Variants in OPCML observed in about 807,000 individuals in gnomAD.
OPCML encodes the protein opioid-binding protein/cell adhesion molecule.
A neutral mutation model predicts 37.8 loss-of-function variants in OPCML; 13 were observed. The observed-to-expected ratio is 0.34, with a 90% CI of 0.22 to 0.55. The LOEUF (loss-of-function observed/expected upper bound fraction) is 0.55, where lower values mean the gene tolerates loss of function less well. Among genes scored for constraint, OPCML ranks in the 20% least tolerant of loss-of-function variants. OPCML has a pLI of 0.91. For missense variants in OPCML, 341 were observed against 435.6 expected (o/e 0.78, Z 1.93); for synonymous variants, 176 against 168.8 (o/e 1.04, Z -0.33).
intron 1 of OPCML, among the ~76,000 whole-genome samples, chr11:133,467,998 C>G (rs946050674): frequency 9.2e-5 from 14 of 152,164 alleles, no homozygotes; most frequent in Non-Finnish European, 1.5e-5. Context: ...GTCACCTCTA[C>G]AGTAGGGATG....
intron 2 of OPCML, among the ~76,000 whole-genome samples, chr11:132,718,793 G>A (rs1290990351): frequency 1.3e-5 from 2 of 152,212 alleles, no homozygotes; most frequent in African/African-American, 4.8e-5. Context: ...TCAGGAAAGG[G>A]AAAGGAGTGT....
intron 2 of OPCML, among the ~76,000 whole-genome samples, chr11:132,921,961 C>A (rs544491192): frequency 9.2e-5 from 14 of 152,116 alleles, no homozygotes; most frequent in South Asian, 4.2e-4. Flanking sequence ...CTCACTGCAA[C>A]CTTCGCCTCG....
chr11:132,863,748 C>T lies in OPCML; in HGVS notation c.146+79178G>A, dbSNP rs145256143. Among the ~76,000 whole-genome samples, 19 of 151,824 alleles carry T rather than the reference C, an allele frequency of 1.3e-4. No homozygotes were observed. The East Asian group carries it at 2.4e-3, about 19-fold the overall frequency. On this transcript the variant is annotated intron_variant, in intron 2 of 7. Coordinates refer to ENST00000524381, the MANE Select transcript of OPCML (RefSeq NM_001012393.5). ...GACGCCCACACCCAGAAGGGAGGGACGCTGCTCCTAGAGGCCGGGAGGAAT... is the reference window on the plus strand; with the variant it reads ...GACGCCCACACCCAGAAGGGAGGGATGCTGCTCCTAGAGGCCGGGAGGAAT...
intron 1 of OPCML, among the ~76,000 whole-genome samples, chr11:133,272,564 C>T (rs906593277): frequency 6.6e-5 from 10 of 152,284 alleles, no homozygotes; most frequent in Non-Finnish European, 1.5e-4. Context: ...GAAAGCCATG[C>T]TCCTTCCCCT....
chr11:132,570,761 A>G (rs2096435463), intron 3 of OPCML, among the ~76,000 whole-genome samples: 1 of 72,184 alleles, frequency 1.4e-5, no homozygotes, highest in African/African-American at 7.8e-5. Context: ...GAGAGTATAT[A>G]TATATATATA....
chr11:132,576,568 C>T (rs1273906012), intron 3 of OPCML, among the ~76,000 whole-genome samples: 3 of 152,084 alleles, frequency 2.0e-5, no homozygotes, highest in Non-Finnish European at 4.4e-5. Flanking sequence ...TCTATGACAG[C>T]TCTTTTGAAT....
At chr11:132,465,159 C>T (rs913306428) in intron 4 of OPCML, among the ~76,000 whole-genome samples, 13 of 152,108 alleles carry the variant, frequency 8.5e-5, no homozygotes, top group African/African-American at 2.9e-4. Flanking sequence ...TAGGTTGTTT[C>T]CAGTTTCTCT....
chr11:132,509,423 C>T (rs920041758), intron 4 of OPCML, among the ~76,000 whole-genome samples: 3 of 152,160 alleles, frequency 2.0e-5, no homozygotes, highest in African/African-American at 4.8e-5. Flanking sequence ...AATGTTAATT[C>T]CCAAGACCAT....
intron 1 of OPCML, among the ~76,000 whole-genome samples, chr11:133,168,600 G>A (rs1452145141): frequency 6.6e-6 from 1 of 152,192 alleles, no homozygotes; most frequent in East Asian, 1.9e-4. Context: ...AATTTATGGT[G>A]AGTTGTTTTG....
At chr11:132,611,159 C>CG (rs1457280455) in intron 3 of OPCML, among the ~76,000 whole-genome samples, 1 of 152,176 alleles carries the variant, frequency 6.6e-6, no homozygotes, top group East Asian at 1.9e-4. Flanking sequence ...CAGTTTTTAA[C>CG]GGGGGTGGTT....
In OPCML at chr11:132,724,208, G is replaced by A. The variant is rs188006037; in HGVS notation, c.147-66889C>T. 2.2e-4 allele frequency among the ~76,000 whole-genome samples: 34 copies of A among 152,224 alleles called. No individual in the cohort carries two copies. In the East Asian group the frequency reaches 5.0e-3, roughly 23 times the overall value. ...TTCTTTAGCACAGTGCACTAAGCAA[G>A]CTTCCCCAAAACATAAAGGACACCC... is the stretch of plus-strand genomic sequence containing the variant. On this transcript the variant is annotated intron_variant, in intron 2 of 7. Coordinates refer to ENST00000524381, the MANE Select transcript of OPCML (RefSeq NM_001012393.5).
chr11:133,040,536 G>A (rs1320930632), intron 1 of OPCML, among the ~76,000 whole-genome samples: 1 of 152,200 alleles, frequency 6.6e-6, no homozygotes, highest in Non-Finnish European at 1.5e-5. Flanking sequence ...GCATGCATGT[G>A]TCAGGAGGAG....
intron 4 of OPCML, among the ~76,000 whole-genome samples, chr11:132,478,573 A>C (rs571470811): frequency 6.6e-6 from 1 of 152,352 alleles, no homozygotes; most frequent in South Asian, 2.1e-4. Flanking sequence ...AGTCCTTAAA[A>C]ATAGAAAACA....
chr11:133,246,988 A>T (rs1540559), intron 1 of OPCML, among the ~76,000 whole-genome samples: 49,040 of 151,996 alleles, frequency 0.32, 9,020 homozygotes, highest in East Asian at 0.83. Flanking sequence ...CCAGTAGCCG[A>T]AACATGAGCT....
chr11:132,837,850 G>T (rs915264823), intron 2 of OPCML, among the ~76,000 whole-genome samples: 1 of 152,186 alleles, frequency 6.6e-6, no homozygotes, highest in South Asian at 2.1e-4. Context: ...TCAGTACCAA[G>T]ACAGGCCCTC....
At chr11:133,135,637 C>T (rs780309954) in intron 1 of OPCML, among the ~76,000 whole-genome samples, 1 of 152,030 alleles carries the variant, frequency 6.6e-6, no homozygotes, top group Non-Finnish European at 1.5e-5. Flanking sequence ...GTGTAATCTC[C>T]ATAACAATTT....
intron 3 of OPCML, 144 bp from the exon 4 acceptor site, chr11:132,529,330 G>A (rs1019161156): frequency 2.1e-6 from 2 of 966,406 alleles, no homozygotes; most frequent in Admixed American, 2.9e-5. Flanking sequence ...GATTTGCCAA[G>A]GATATGGCCA....
At chr11:133,328,629 G>A (rs1049429161) in intron 1 of OPCML, among the ~76,000 whole-genome samples, 1 of 152,086 alleles carries the variant, frequency 6.6e-6, no homozygotes, top group African/African-American at 2.4e-5. Flanking sequence ...ATAAGAAACG[G>A]CCCCTATCCT....
chr11:133,231,463 G>A (rs1363771159), intron 1 of OPCML, among the ~76,000 whole-genome samples: 1 of 152,200 alleles, frequency 6.6e-6, no homozygotes, highest in Non-Finnish European at 1.5e-5. Context: ...CCTAGGTGAA[G>A]ATGTCACGTC....
Sources: gnomAD v4.1 joint callset for allele counts (sites outside exome capture counted in the v4.1 genomes callset) on GRCh38, gnomAD v4.1.1 for gene constraint, MANE v1.5 for transcripts, NCBI Gene and HGNC (gene_info 2026-07-23, HGNC 2026-07-21) for gene names.